TMEM131: variants seen among roughly 807,000 people sequenced by gnomAD.
The protein encoded by TMEM131 is 2610524E03Rik.
TMEM131 carries 66 observed loss-of-function variants against 211.6 expected under a neutral mutation model. The observed-to-expected ratio is 0.31, with a 90% confidence interval of 0.26 to 0.38. The LOEUF (loss-of-function observed/expected upper bound fraction) is 0.38, where lower values mean the gene tolerates loss of function less well. Ranked by LOEUF, TMEM131 falls within the 10% of genes least tolerant of loss-of-function variation. The probability of loss-of-function intolerance (pLI) is 1.00; values close to 1 mark genes in which losing one functional copy is unlikely to be tolerated. For missense variants in TMEM131, 2,036 were observed against 2,299.3 expected, an observed-to-expected ratio of 0.89 and a Z score of 2.34; for synonymous variants, 844 against 841.3, an observed-to-expected ratio of 1.00 and a Z score of -0.06.
At chr2:97,843,988 G>T (rs1241696335) in intron 6 of TMEM131, among the ~76,000 whole-genome samples, 157 bp downstream of exon 6, 3 of 151,980 alleles carry the variant, frequency 2.0e-5, no homozygotes, top group African/African-American at 7.3e-5. Flanking sequence ...TAGAGATATT[G>T]AATAGAGATA....
chr2:97,923,627 TTAAAAAAAAAAAAAAA>T (rs1164628348), intron 2 of TMEM131, among the ~76,000 whole-genome samples: 1 of 99,684 alleles, frequency 1.0e-5, no homozygotes, highest in Non-Finnish European at 1.9e-5. Context: ...GTCTTTTTTT[TTAAAAAAAAAAAAAAA>T]AAAAAAAAAA....
At position 97,841,745 on chromosome 2, in the gene TMEM131, C is replaced by G. The variant is rs1047695540; in HGVS notation, c.723+70G>C. ...AAATAGTCTTGGAAACTGTAACAAACTGAGATTTCATGCTAAGCATTAATT... is the reference window on the plus strand; with the variant it reads ...AAATAGTCTTGGAAACTGTAACAAAGTGAGATTTCATGCTAAGCATTAATT... On this transcript the variant is annotated intron_variant, in intron 7 of 40. Coordinates refer to ENST00000186436, the MANE Select transcript of TMEM131 (RefSeq NM_015348.2). 5 of 1,448,868 alleles carry G rather than the reference C, an allele frequency of 3.5e-6. No homozygotes were observed. The African/African-American group carries it at 7.1e-5, about 21-fold the overall frequency. The allele number at this position is 1,448,868 out of a possible 1,614,324, so 89.8% of individuals were successfully genotyped here. A position where few individuals can be genotyped will look rare whatever the true frequency, so the allele number is the denominator to read the frequency against.
intron 39 of TMEM131, 199 bp from the exon 40 acceptor site, chr2:97,759,252 T>C: frequency 1.6e-6 from 1 of 622,960 alleles, no homozygotes; most frequent in Admixed American, 3.0e-5. Flanking sequence ...CGAGCTGATA[T>C]GCCACCAATG....
intron 33 of TMEM131, among the ~76,000 whole-genome samples, chr2:97,771,376 G>A (rs1679455383): frequency 1.3e-5 from 2 of 152,250 alleles, no homozygotes; most frequent in South Asian, 4.2e-4. Flanking sequence ...ATAATCTAGG[G>A]ACAGAGTCTA....
chr2:97,995,388 G>A, intron 1 of TMEM131, 88 bp downstream of exon 1: 1 of 1,232,980 alleles, frequency 8.1e-7, no homozygotes, highest in Non-Finnish European at 1.0e-6. Flanking sequence ...AGCCCCGGCC[G>A]CGGCCCTTCC....
intron 33 of TMEM131, among the ~76,000 whole-genome samples, chr2:97,769,229 C>T (rs1275106125): frequency 1.4e-5 from 2 of 143,694 alleles, no homozygotes; most frequent in South Asian, 2.2e-4. Context: ...TCAAGCAATC[C>T]TCCTGCCTTG....
In TMEM131 at chr2:97,983,457, A is replaced by G. The variant is rs558207793; in HGVS notation, c.187+12019T>C. The stretch of plus-strand genomic sequence containing the variant: ...TGATAGTCCCTTCAAGTTCCTGTCT[A>G]GGCGCCACTAAGGGCTGCATAATCT... On this transcript the variant is annotated intron_variant, in intron 1 of 40. Coordinates refer to ENST00000186436, the MANE Select transcript of TMEM131 (RefSeq NM_015348.2). 4.6e-5 allele frequency among the ~76,000 whole-genome samples: 7 copies of G among 152,244 alleles called. No individual in the cohort carries two copies. The South Asian group carries it at 1.0e-3, about 23-fold the overall frequency.
chr2:97,960,168 G>A (rs1678755945), intron 1 of TMEM131, among the ~76,000 whole-genome samples: 1 of 151,806 alleles, frequency 6.6e-6, no homozygotes, highest in African/African-American at 2.4e-5. Context: ...TTCATAAAAA[G>A]AATTTTGAGA....
At chr2:97,860,978 G>A (rs1674042339) in intron 4 of TMEM131, among the ~76,000 whole-genome samples, 1 of 152,194 alleles carries the variant, frequency 6.6e-6, no homozygotes. Flanking sequence ...GAGAGTCTGT[G>A]CACTTGGGAG....
intron 33 of TMEM131, among the ~76,000 whole-genome samples, chr2:97,767,129 C>T (rs946771336): frequency 6.6e-6 from 1 of 152,152 alleles, no homozygotes. Flanking sequence ...CTGGTTACTA[C>T]AGGGAGTGGG....
chr2:97,878,807 T>C (rs1237128075), intron 4 of TMEM131, among the ~76,000 whole-genome samples: 1 of 152,140 alleles, frequency 6.6e-6, no homozygotes, highest in African/African-American at 2.4e-5. Flanking sequence ...GTAACAAAAC[T>C]GCACGTTCTG....
At position 97,805,402 on chromosome 2, in the gene TMEM131, T is replaced by C. The variant is rs1383125747; in HGVS notation, c.2258A>G (p.Tyr753Cys). The stretch of plus-strand genomic sequence containing the variant: ...TTTGGATAGAAAAGGCAAGCCAACA[T>C]AGCAATGATCCCCACACTGTAGTCC... The part of the protein sequence containing the change: ...DPGLQCGDHC[Y>C]VGLPFLSKSE... Residue 753 changes from tyrosine (Y) to cysteine (C), a missense_variant, in exon 21 of 41, where the codon TAT becomes TGT. Coordinates refer to ENST00000186436, the MANE Select transcript of TMEM131 (RefSeq NM_015348.2). 6.2e-7 allele frequency: 1 copy of C among 1,613,766 alleles called. No individual in the cohort carries two copies.
chr2:97,873,914 C>A (rs1674587915), intron 4 of TMEM131, among the ~76,000 whole-genome samples: 1 of 152,110 alleles, frequency 6.6e-6, no homozygotes, highest in Non-Finnish European at 1.5e-5. Context: ...TGGGTAATAA[C>A]AAACTCCTCC....
chr2:97,913,546 C>A (rs553754050), intron 2 of TMEM131, among the ~76,000 whole-genome samples: 1 of 152,300 alleles, frequency 6.6e-6, no homozygotes, highest in South Asian at 2.1e-4. Flanking sequence ...AATAACCTAT[C>A]CTTGACAGAA....
At chr2:97,812,302 A>G (rs1681582784) in intron 17 of TMEM131, 119 bp downstream of exon 17, 1 of 1,158,144 alleles carries the variant, frequency 8.6e-7, no homozygotes, top group Admixed American at 3.0e-5. Context: ...AATAGCAAGT[A>G]ACCAACACTA....
chr2:97,888,287 A>G (rs904899826), intron 3 of TMEM131, among the ~76,000 whole-genome samples, 167 bp from the exon 4 acceptor site: 2 of 152,248 alleles, frequency 1.3e-5, no homozygotes, highest in African/African-American at 2.4e-5. Flanking sequence ...AGAAACCAAT[A>G]AAGATTGCGT....
chr2:97,878,639 T>C (rs926942380), intron 4 of TMEM131, among the ~76,000 whole-genome samples: 5 of 151,566 alleles, frequency 3.3e-5, no homozygotes, highest in Admixed American at 6.6e-5. Context: ...TAAGTGGGAG[T>C]TGAACAATGA....
At chr2:97,831,311 G>C (rs540793348) in intron 11 of TMEM131, among the ~76,000 whole-genome samples, 1 of 152,194 alleles carries the variant, frequency 6.6e-6, no homozygotes, top group Admixed American at 6.5e-5. Context: ...CAGAGTTCCA[G>C]AGAGCCCTGA....
chr2:97,816,322 C>T lies in TMEM131; in HGVS notation c.1184-1015G>A, dbSNP rs557361900. ...CGCCATTGCACTCCAGCCTGGGCAA[C>T]AAAGCGAGACTCTGACCCAAAAAAA... On this transcript the variant is annotated intron_variant, in intron 12 of 40. Transcript: ENST00000186436. Among the ~76,000 whole-genome samples the T allele has an allele frequency of 8.4e-4, 127 of 152,076 alleles. 1 individual carries two copies. In the Middle Eastern group the frequency reaches 0.01, roughly 12 times the overall value.
Sources: gnomAD v4.1 joint callset for allele counts (sites outside exome capture counted in the v4.1 genomes callset) on GRCh38, gnomAD v4.1.1 for gene constraint, MANE v1.5 for transcripts, NCBI Gene and HGNC (gene_info 2026-07-23, HGNC 2026-07-21) for gene names.